Variants in UBE2E3 observed in about 807,000 individuals in gnomAD.
The protein encoded by UBE2E3 is ubiquitin conjugating enzyme E2 E3.
In UBE2E3, 5 loss-of-function variants were observed where a neutral mutation model predicts 23.6. The ratio of observed to expected loss-of-function variants is 0.21; its 90% CI spans 0.11 to 0.44. The LOEUF (loss-of-function observed/expected upper bound fraction) is 0.44, where lower values mean the gene tolerates loss of function less well. UBE2E3 is among the 20% of genes least tolerant of loss of function. The probability of loss-of-function intolerance (pLI) is 0.99; values close to 1 mark genes in which losing one functional copy is unlikely to be tolerated. For synonymous variants in UBE2E3, 78 were observed against 87.5 expected, an observed-to-expected ratio of 0.89 and a Z score of 0.60; for missense variants, 81 against 249.8, an observed-to-expected ratio of 0.32 and a Z score of 4.55.
intron 3 of UBE2E3, among the ~76,000 whole-genome samples, chr2:181,044,584 G>A (rs577438984): frequency 6.6e-6 from 1 of 152,054 alleles, no homozygotes; most frequent in East Asian, 1.9e-4. Flanking sequence ...TTAATTTACT[G>A]TGTAGAAACT....
At chr2:181,033,360 T>C (rs6713336) in intron 3 of UBE2E3, among the ~76,000 whole-genome samples, 118,145 of 152,040 alleles carry the variant, frequency 0.78, 46,150 homozygotes, top group East Asian at 0.91. Flanking sequence ...GAACAGAGCC[T>C]TCAGAAATAA....
At chr2:181,016,848 C>A (rs923060405) in intron 3 of UBE2E3, among the ~76,000 whole-genome samples, 1 of 152,178 alleles carries the variant, frequency 6.6e-6, no homozygotes, top group Non-Finnish European at 1.5e-5. Context: ...AGATAAGGAA[C>A]TCTTTCTCCC....
chr2:181,037,016 A>G (rs1357113177), intron 3 of UBE2E3, among the ~76,000 whole-genome samples: 1 of 152,192 alleles, frequency 6.6e-6, no homozygotes, highest in Non-Finnish European at 1.5e-5. Flanking sequence ...ATAGTTATGC[A>G]TTGTATAATG....
chr2:180,989,817 A>G (rs1574157845), intron 3 of UBE2E3: 12 of 1,478,224 alleles, frequency 8.1e-6, no homozygotes, highest in Middle Eastern at 1.8e-4. Flanking sequence ...CTCATAACCA[A>G]TTAGTACTTT....
intron 3 of UBE2E3, among the ~76,000 whole-genome samples, chr2:181,048,188 A>AAT (rs1408852500): frequency 1.3e-5 from 2 of 152,158 alleles, no homozygotes; most frequent in East Asian, 3.9e-4. Context: ...TTCAACAAGG[A>AAT]ATACCTTGCC....
At chr2:180,999,676 C>T (rs1457111295) in intron 3 of UBE2E3, among the ~76,000 whole-genome samples, 2 of 152,146 alleles carry the variant, frequency 1.3e-5, no homozygotes, top group South Asian at 4.1e-4. Flanking sequence ...TAAAACAGAC[C>T]TTGTTGTACA....
At chr2:181,028,957 AT>A (rs1001664662) in intron 3 of UBE2E3, among the ~76,000 whole-genome samples, 1 of 150,616 alleles carries the variant, frequency 6.6e-6, no homozygotes, top group Admixed American at 6.6e-5. Context: ...GGATATCTTT[AT>A]TTTTTTTTCA....
At chr2:181,041,990 A>G (rs938307164) in intron 3 of UBE2E3, among the ~76,000 whole-genome samples, 89 of 152,328 alleles carry the variant, frequency 5.8e-4, no homozygotes, top group East Asian at 3.9e-3. Flanking sequence ...GCAAGTGTAA[A>G]TGAGGATATA....
intron 3 of UBE2E3, among the ~76,000 whole-genome samples, chr2:181,007,295 C>T (rs369996840): frequency 6.6e-6 from 1 of 152,172 alleles, no homozygotes; most frequent in Non-Finnish European, 1.5e-5. Flanking sequence ...TTATCCTTTT[C>T]CCTCATCTGT....
At chr2:181,038,828 C>T (rs1315722225) in intron 3 of UBE2E3, among the ~76,000 whole-genome samples, 3 of 152,174 alleles carry the variant, frequency 2.0e-5, no homozygotes, top group African/African-American at 7.2e-5. Flanking sequence ...GTGGTGCTTA[C>T]ACATCATTAG....
At chr2:181,039,075 C>T (rs1686391071) in intron 3 of UBE2E3, among the ~76,000 whole-genome samples, 2 of 150,698 alleles carry the variant, frequency 1.3e-5, no homozygotes, top group South Asian at 4.2e-4. Flanking sequence ...ATTACATCCT[C>T]CAAAATGGTA....
intron 3 of UBE2E3, among the ~76,000 whole-genome samples, chr2:181,007,279 G>T (rs1050212115): frequency 1.9e-4 from 29 of 152,190 alleles, no homozygotes; most frequent in African/African-American, 7.0e-4. Context: ...AAAATAGCTT[G>T]CTACCTTATC....
intron 3 of UBE2E3, among the ~76,000 whole-genome samples, chr2:180,985,758 T>C (rs1032912013): frequency 2.6e-5 from 4 of 152,170 alleles, no homozygotes; most frequent in Admixed American, 6.5e-5. Flanking sequence ...TTCAGAACTC[T>C]TAAATGTTTT....
At chr2:180,998,102 A>C (rs1252171901) in intron 3 of UBE2E3, among the ~76,000 whole-genome samples, 1 of 152,188 alleles carries the variant, frequency 6.6e-6, no homozygotes, top group Non-Finnish European at 1.5e-5. Context: ...CCAGACTCAA[A>C]GTGTAGAGCA....
chr2:181,021,341 TTTC>T (rs545576496), intron 3 of UBE2E3, among the ~76,000 whole-genome samples: 7 of 151,398 alleles, frequency 4.6e-5, no homozygotes, highest in South Asian at 2.1e-4. Context: ...CATTACAGTG[TTTC>T]TTCTTTTCTC....
At chr2:181,006,211 A>C (rs1340490613) in intron 3 of UBE2E3, among the ~76,000 whole-genome samples, 1 of 152,166 alleles carries the variant, frequency 6.6e-6, no homozygotes, top group Non-Finnish European at 1.5e-5. Context: ...TGAGAGCTAG[A>C]ATTGAGCACA....
intron 3 of UBE2E3, among the ~76,000 whole-genome samples, chr2:180,999,162 A>G (rs933288216): frequency 6.6e-6 from 1 of 152,160 alleles, no homozygotes; most frequent in African/African-American, 2.4e-5. Context: ...AAAAGGTCGA[A>G]TTTATTTATT....
intron 3 of UBE2E3, among the ~76,000 whole-genome samples, chr2:181,048,108 G>A (rs1686724607): frequency 6.6e-6 from 1 of 152,096 alleles, no homozygotes; most frequent in Non-Finnish European, 1.5e-5. Flanking sequence ...CCCCACTGGG[G>A]TATTTGAAAT....
intron 4 of UBE2E3, among the ~76,000 whole-genome samples, chr2:181,058,800 A>T (rs1459302480): frequency 6.6e-6 from 1 of 151,780 alleles, no homozygotes; most frequent in Non-Finnish European, 1.5e-5. Context: ...CTTATTGTCT[A>T]ACAAGGTAAC....
Sources: allele counts gnomAD v4.1 joint callset (sites outside exome capture counted in the v4.1 genomes callset), GRCh38; gene constraint gnomAD v4.1.1; transcripts MANE v1.5; gene names NCBI Gene and HGNC (gene_info 2026-07-23, HGNC 2026-07-21).